DYNC1LI2: variants seen among roughly 807,000 people sequenced by gnomAD.
The protein encoded by DYNC1LI2 is dynein cytoplasmic 1 light intermediate chain 2.
DYNC1LI2 carries 19 observed loss-of-function variants against 57.8 expected under a neutral mutation model. The observed-to-expected ratio is 0.33, with a 90% CI of 0.23 to 0.48. The LOEUF is 0.48. DYNC1LI2 is among the 20% of genes least tolerant of loss of function. The pLI is 0.99. For synonymous variants in DYNC1LI2, 256 were observed against 233.4 expected (o/e 1.10, Z -0.88); for missense variants, 470 against 604.2 (o/e 0.78, Z 2.33).
At chr16:66,729,226 T>C in intron 8 of DYNC1LI2, 127 bp from the exon 9 acceptor site, 1 of 1,016,664 alleles carries the variant, frequency 9.8e-7, no homozygotes, top group Non-Finnish European at 1.5e-6. Flanking sequence ...CTACTGAGAC[T>C]GCAGAGTAAT....
rs746190108 is a variant in DYNC1LI2, at chr16:66,725,949, G to A, written c.1262-5C>T. The A allele has an allele frequency of 1.7e-5, 28 of 1,606,690 alleles. No homozygotes were observed. The highest frequency in any genetic ancestry group is 2.4e-5 in the Non-Finnish European group (28 of 1,177,958). On this transcript the variant is annotated splice_polypyrimidine_tract_variant and splice_region_variant and intron_variant, in intron 11 of 12. Coordinates refer to ENST00000258198, the MANE Select transcript of DYNC1LI2 (RefSeq NM_006141.3). ...CCCCTTCACTTGCTGCATTATCTAAGGAAAATTAAAGAGAAAAAAAAGCAT... is the reference window on the plus strand; with the variant it reads ...CCCCTTCACTTGCTGCATTATCTAAAGAAAATTAAAGAGAAAAAAAAGCAT...
chr16:66,729,327 A>C (rs2017592443), intron 8 of DYNC1LI2, among the ~76,000 whole-genome samples: 1 of 152,168 alleles, frequency 6.6e-6, no homozygotes, highest in Non-Finnish European at 1.5e-5. Context: ...TAAACACCTC[A>C]GGGTCTGCAG....
At chr16:66,744,138 C>T (rs1237988612) in intron 3 of DYNC1LI2, among the ~76,000 whole-genome samples, 2 of 151,032 alleles carry the variant, frequency 1.3e-5, no homozygotes, top group East Asian at 2.0e-4. Flanking sequence ...ACTGCAGTCT[C>T]GATTTCCTGG....
chr16:66,735,996 G>A lies in DYNC1LI2; in HGVS notation c.699+79C>T, dbSNP rs184738900. The A allele has an allele frequency of 1.4e-5, 21 of 1,526,240 alleles. No homozygotes were observed. The Admixed American group carries it at 2.0e-4, about 15-fold the overall frequency. 94.5% of individuals were successfully genotyped at this position (1,526,240 alleles called of 1,614,324 possible). A position where few individuals can be genotyped will look rare whatever the true frequency, so the allele number is the denominator to read the frequency against. On this transcript the variant is annotated intron_variant, in intron 5 of 12. Transcript: ENST00000258198. ...CCCAAGTCTCCCTTGGGAAAAAAAC[G>A]TCAACAGTTTCTCAAACTTTCAGAT...
In DYNC1LI2 at chr16:66,732,437, C is replaced by T. The variant is rs1384689497; in HGVS notation, c.831G>A (p.Glu277=). ...AALIYTSVKE[E]KNLDLLYKYI... Reference sequence around the variant, plus strand: ...ACTTATACAACAAGTCGAGGTTTTTCTCTTCTTTCACTGATGTGTAAATCA... The same window carrying T: ...ACTTATACAACAAGTCGAGGTTTTTTTCTTCTTTCACTGATGTGTAAATCA... Residue 277 remains glutamate (E), a synonymous_variant, in exon 7 of 13, where the codon GAG becomes GAA. Coordinates refer to ENST00000258198, the MANE Select transcript of DYNC1LI2 (RefSeq NM_006141.3). The T allele has an allele frequency of 6.2e-7, 1 of 1,613,528 alleles. No homozygotes were observed. The highest frequency in any genetic ancestry group is 8.5e-7 in the Non-Finnish European group (1 of 1,179,974).
intron 12 of DYNC1LI2, among the ~76,000 whole-genome samples, chr16:66,724,414 A>C (rs985282601): frequency 3.3e-5 from 5 of 151,734 alleles, no homozygotes; most frequent in Non-Finnish European, 7.4e-5. Context: ...ACTAGACCAG[A>C]CTCTGAGTTT....
chr16:66,738,395 C>T (rs2017776252), intron 4 of DYNC1LI2: 1 of 151,818 alleles, frequency 6.6e-6, no homozygotes, highest in Non-Finnish European at 1.5e-5. Context: ...TTACAGGCAC[C>T]TACCACCATG....
intron 8 of DYNC1LI2, among the ~76,000 whole-genome samples, chr16:66,729,435 A>G (rs1351999315): frequency 6.6e-6 from 1 of 152,134 alleles, no homozygotes; most frequent in Non-Finnish European, 1.5e-5. Context: ...TGAGCATTCC[A>G]TCACTCCTTC....
intron 11 of DYNC1LI2, 53 bp from the exon 12 acceptor site, chr16:66,725,997 A>G: frequency 6.3e-7 from 1 of 1,576,804 alleles, no homozygotes; most frequent in Non-Finnish European, 8.6e-7. Flanking sequence ...AAGACTTAAA[A>G]TTAAACACCC....
intron 11 of DYNC1LI2, 49 bp from the exon 12 acceptor site, chr16:66,725,993 TAA>T: frequency 6.3e-7 from 1 of 1,585,174 alleles, no homozygotes; most frequent in Non-Finnish European, 8.6e-7. Context: ...CTGGAAGACT[TAA>T]AATTAAACAC....
At chr16:66,729,547 A>G (rs1172203166) in intron 8 of DYNC1LI2, among the ~76,000 whole-genome samples, 1 of 149,684 alleles carries the variant, frequency 6.7e-6, no homozygotes, top group African/African-American at 2.5e-5. Context: ...AAACTATACA[A>G]TGTGTAAGAC....
At chr16:66,743,909 G>A (rs1488833280) in intron 3 of DYNC1LI2, among the ~76,000 whole-genome samples, 1 of 152,098 alleles carries the variant, frequency 6.6e-6, no homozygotes, top group African/African-American at 2.4e-5. Context: ...TAATAATATG[G>A]TTATGTTTTT....
At chr16:66,730,077 G>C (rs199834045) in intron 8 of DYNC1LI2, 35 bp downstream of exon 8, 1 of 1,585,374 alleles carries the variant, frequency 6.3e-7, no homozygotes, top group East Asian at 2.2e-5. Flanking sequence ...CACCGCGCCC[G>C]GCCCTAAACC....
chr16:66,737,443 G>A (rs1434974167), intron 4 of DYNC1LI2, among the ~76,000 whole-genome samples: 2 of 136,166 alleles, frequency 1.5e-5, no homozygotes, highest in African/African-American at 5.8e-5. Flanking sequence ...AGACTCAGTT[G>A]AACCAGGGAG....
intron 2 of DYNC1LI2, among the ~76,000 whole-genome samples, chr16:66,750,878 T>G (rs967043254): frequency 1.3e-5 from 2 of 152,164 alleles, no homozygotes; most frequent in Non-Finnish European, 2.9e-5. Context: ...GCACTACTGA[T>G]GAGGCTCAAA....
Position 66,733,937 on chromosome 16 carries a change from G to A in DYNC1LI2, c.793+281C>T, listed in dbSNP as rs187523484. On this transcript the variant is annotated intron_variant, in intron 6 of 12. Transcript: ENST00000258198. Reference sequence around the variant, plus strand: ...AGCACTTTCGGAGGCTGAGGTAGGTGATCACTTGAGGTCAGGAATTTGAGA... The same window carrying A: ...AGCACTTTCGGAGGCTGAGGTAGGTAATCACTTGAGGTCAGGAATTTGAGA... The A allele has an allele frequency of 5.2e-5, 19 of 366,974 alleles. No individual in the cohort carries two copies. In the South Asian group the frequency reaches 6.2e-4, roughly 12 times the overall value. The allele number at this position is 366,974 out of a possible 1,614,324, so 22.7% of individuals were successfully genotyped here.
chr16:66,751,528 C>T lies in DYNC1LI2; in HGVS notation c.64G>A (p.Ala22Thr), dbSNP rs2018054924. The change falls in exon 1 of 13, where the codon GCC becomes ACC. Residue 22 changes from alanine (A) to threonine (T), a missense_variant. Transcript: ENST00000258198. The surrounding 1 kb of genome is among the most constrained non-coding windows in gnomAD (Gnocchi z 5.2). Reference protein sequence around the residue: ...LGPNGPAVAAAGDLTSEEEEG... With the variant: ...LGPNGPAVAATGDLTSEEEEG... Reference sequence around the variant, plus strand: ...TCCTCCTCACTGGTCAGGTCGCCGGCGGCCGCCACCGCGGGCCCGTTGGGA... The same window carrying T: ...TCCTCCTCACTGGTCAGGTCGCCGGTGGCCGCCACCGCGGGCCCGTTGGGA... The T allele has an allele frequency of 1.3e-6, 2 of 1,587,752 alleles. No homozygotes were observed. Among genetic ancestry groups the T allele is most frequent in the Admixed American group, 1.7e-5 (1 of 57,784 alleles).
chr16:66,749,399 C>T (rs1393129207), intron 2 of DYNC1LI2, 86 bp from the exon 3 acceptor site: 2 of 1,297,980 alleles, frequency 1.5e-6, no homozygotes, highest in African/African-American at 2.9e-5. Flanking sequence ...CACGGAGAAA[C>T]TAAGAATTTC....
In DYNC1LI2 at chr16:66,723,861, T is replaced by TG. The variant is rs753919470; in HGVS notation, c.1379-40dup. The TG allele has an allele frequency of 7.1e-6, 11 of 1,545,844 alleles. No individual in the cohort carries two copies. The African/African-American group carries it at 1.5e-4, about 22-fold the overall frequency. On this transcript the variant is annotated intron_variant, in intron 12 of 12. Coordinates refer to ENST00000258198, the MANE Select transcript of DYNC1LI2 (RefSeq NM_006141.3). Reference sequence around the variant, plus strand: ...AAAGCAAAAAAGCAAAGTAATGATGTGAGAAGAGGAAACAATTTTTTTTAA... The same window carrying TG: ...AAAGCAAAAAAGCAAAGTAATGATGTGGAGAAGAGGAAACAATTTTTTTTAA...
Sources: gnomAD v4.1 joint callset for allele counts (sites outside exome capture counted in the v4.1 genomes callset) on GRCh38, gnomAD v4.1.1 for gene constraint, Gnocchi (gnomAD v3.1) non-coding constraint, MANE v1.5 for transcripts, NCBI Gene and HGNC (gene_info 2026-07-23, HGNC 2026-07-21) for gene names.